Variants in UPK1B observed in about 807,000 individuals in gnomAD.
UPK1B encodes the protein uroplakin 1B, also known as uroplakin-1b.
UPK1B carries 28 observed loss-of-function variants against 34.2 expected under a neutral mutation model. That is an observed-to-expected ratio of 0.82 (90% CI 0.61 to 1.12). UPK1B has a LOEUF of 1.12. UPK1B is among the 50% of genes most tolerant of loss of function. The probability of loss-of-function intolerance (pLI) is 0.00; values close to 1 mark genes in which losing one functional copy is unlikely to be tolerated. For missense variants in UPK1B, 325 were observed against 320.9 expected (o/e 1.01, Z -0.10); for synonymous variants, 81 against 110.4 (o/e 0.73, Z 1.67).
At chr3:119,190,743 T>C (rs1007584058) in intron 4 of UPK1B, among the ~76,000 whole-genome samples, 3 of 152,222 alleles carry the variant, frequency 2.0e-5, no homozygotes, top group African/African-American at 7.2e-5. Flanking sequence ...TTTCCTAGCC[T>C]AAGCCACCCT....
In UPK1B at chr3:119,175,012, C is replaced by CTTTTTTTTTTTTTTTTTTTTTT. The variant is rs374721069; in HGVS notation, c.-29+1388_-29+1409dup. On this transcript the variant is annotated intron_variant, in intron 1 of 7. Coordinates refer to ENST00000264234, the MANE Select transcript of UPK1B (RefSeq NM_006952.4). ...CAGAACTTTTTTTTTCTTTTATTTT[C>CTTTTTTTTTTTTTTTTTTTTTT]TTTTTTTTTTTTTTTTTTTTTTTTT... Among the ~76,000 whole-genome samples the CTTTTTTTTTTTTTTTTTTTTTT allele has an allele frequency of 3.3e-4, 22 of 67,474 alleles. 2 individuals are homozygous for CTTTTTTTTTTTTTTTTTTTTTT. The highest frequency in any genetic ancestry group is 4.5e-4 in the Non-Finnish European group (17 of 38,098). 44.3% of individuals were successfully genotyped at this position (67,474 alleles called of 152,430 possible). A position where few individuals can be genotyped will look rare whatever the true frequency, so the allele number is the denominator to read the frequency against.
rs540205722 is a variant in UPK1B at position 119,181,450 on chromosome 3, T to A, written c.-28-5264T>A. Among the ~76,000 whole-genome samples the A allele has an allele frequency of 1.3e-5, 2 of 152,258 alleles. 1 individual carries two copies. The highest frequency in any genetic ancestry group is 4.1e-4 in the South Asian group (2 of 4,822). On this transcript the variant is annotated intron_variant, in intron 1 of 7. Coordinates refer to ENST00000264234, the MANE Select transcript of UPK1B (RefSeq NM_006952.4). ...ACTAATATTGTATTAAAACTTCACA[T>A]ATATTCTCATTTAATTTTCATAGTA...
chr3:119,191,288 A>G (rs563257111), intron 5 of UPK1B, among the ~76,000 whole-genome samples, 184 bp downstream of exon 5: 5 of 152,204 alleles, frequency 3.3e-5, no homozygotes, highest in Non-Finnish European at 7.3e-5. Context: ...CTCAGGTATC[A>G]TTTACATTAA....
Position 119,199,089 on chromosome 3 carries a change from C to T in UPK1B, c.681C>T (p.Asn227=). The part of the protein sequence containing the change: ...GCYELISGPM[N]RHAWGVAWFG... Reference sequence around the variant, plus strand: ...ATGAACTGATCTCTGGTCCAATGAACCGACACGCCTGGGGGGTTGCCTGGT... The same window carrying T: ...ATGAACTGATCTCTGGTCCAATGAATCGACACGCCTGGGGGGTTGCCTGGT... The change falls in exon 7 of 8, where the codon AAC becomes AAT. Residue 227 remains asparagine, a synonymous_variant. Coordinates refer to ENST00000264234, the MANE Select transcript of UPK1B (RefSeq NM_006952.4). 6.2e-7 allele frequency: 1 copy of T among 1,614,184 alleles called. No individual in the cohort carries two copies. Among genetic ancestry groups the T allele is most frequent in the Non-Finnish European group, 8.5e-7 (1 of 1,180,026 alleles).
rs544366687 is a variant in UPK1B at position 119,179,389 on chromosome 3, ATATATATATT to A, written c.-29+5752_-29+5761del. ...TATATATATATATATATATATATAT[ATATATATATT>A]AATTCTAAGGAATTAACCTATGTGA... On this transcript the variant is annotated intron_variant, in intron 1 of 7. Transcript: ENST00000264234. 3.2e-3 allele frequency among the ~76,000 whole-genome samples: 298 copies of A among 92,138 alleles called. 11 individuals carry two copies. The highest frequency in any genetic ancestry group is 4.5e-3 in the South Asian group (13 of 2,858). The allele number at this position is 92,138 out of a possible 152,430, so 60.4% of individuals were successfully genotyped here. A position where few individuals can be genotyped will look rare whatever the true frequency, so the allele number is the denominator to read the frequency against.
At chr3:119,181,952 G>A (rs2077991734) in intron 1 of UPK1B, among the ~76,000 whole-genome samples, 1 of 152,226 alleles carries the variant, frequency 6.6e-6, no homozygotes, top group Non-Finnish European at 1.5e-5. Context: ...CCAGGACAAG[G>A]ACAACCTCAG....
chr3:119,190,358 C>A lies in UPK1B; in HGVS notation c.345+39C>A, dbSNP rs373884676. The stretch of plus-strand genomic sequence containing the variant: ...CAAAAAGCAAAATAATATGAATTAT[C>A]ATTATTATAACAACCAACATGTATT... On this transcript the variant is annotated intron_variant, in intron 4 of 7. Coordinates refer to ENST00000264234, the MANE Select transcript of UPK1B (RefSeq NM_006952.4). 1,835 of 1,494,078 alleles carry A rather than the reference C, an allele frequency of 1.2e-3. 4 individuals are homozygous for A. The highest frequency in any genetic ancestry group is 1.6e-3 in the Non-Finnish European group (1,736 of 1,073,740). The allele number at this position is 1,494,078 out of a possible 1,614,324, so 92.6% of individuals were successfully genotyped here.
At chr3:119,202,891 C>A (rs549932529) in intron 7 of UPK1B, among the ~76,000 whole-genome samples, 1 of 151,786 alleles carries the variant, frequency 6.6e-6, no homozygotes, top group South Asian at 2.1e-4. Context: ...AAGGGCAACC[C>A]CAGAAGACAA....
intron 1 of UPK1B, among the ~76,000 whole-genome samples, chr3:119,181,085 T>C (rs2077987792): frequency 6.6e-6 from 1 of 152,188 alleles, no homozygotes; most frequent in South Asian, 2.1e-4. Context: ...AGCTCAGTAA[T>C]TTGCCTATTT....
At position 119,198,977 on chromosome 3, in the gene UPK1B, A is replaced by G. The variant is rs76050075; in HGVS notation, c.649-80A>G. 2,096 of 1,518,010 alleles carry G rather than the reference A, an allele frequency of 1.4e-3. 20 individuals are homozygous for G. The African/African-American group carries it at 0.026, about 19-fold the overall frequency. The allele number at this position is 1,518,010 out of a possible 1,614,324, so 94.0% of individuals were successfully genotyped here. On this transcript the variant is annotated intron_variant, in intron 6 of 7. Coordinates refer to ENST00000264234, the MANE Select transcript of UPK1B (RefSeq NM_006952.4). ...AGAATTTTGAGTAGCATTGATTCCA[A>G]TAGGAACCTGCTTTCCCATCAATCT... is the stretch of plus-strand genomic sequence containing the variant.
chr3:119,180,698 G>A (rs1198658000), intron 1 of UPK1B, among the ~76,000 whole-genome samples: 1 of 150,438 alleles, frequency 6.6e-6, no homozygotes, highest in East Asian at 1.9e-4. Flanking sequence ...ATATCCATTA[G>A]TGTGGAACTG....
intron 1 of UPK1B, among the ~76,000 whole-genome samples, chr3:119,174,099 A>C (rs1261740887): frequency 6.6e-6 from 1 of 152,226 alleles, no homozygotes; most frequent in Non-Finnish European, 1.5e-5. Context: ...GCTAGCAGAG[A>C]GAAAGTTTCT....
At chr3:119,186,186 T>C (rs2078018755) in intron 1 of UPK1B, among the ~76,000 whole-genome samples, 1 of 152,262 alleles carries the variant, frequency 6.6e-6, no homozygotes, top group African/African-American at 2.4e-5. Context: ...CGTTTTCACT[T>C]ACCCTCATAT....
chr3:119,202,932 G>A (rs527903937), intron 7 of UPK1B, among the ~76,000 whole-genome samples: 41 of 152,204 alleles, frequency 2.7e-4, no homozygotes, highest in Non-Finnish European at 2.8e-4. Flanking sequence ...GGATCAGAAC[G>A]TGGGGAACAC....
chr3:119,174,808 G>A (rs2077945521), intron 1 of UPK1B, among the ~76,000 whole-genome samples: 2 of 151,474 alleles, frequency 1.3e-5, no homozygotes, highest in South Asian at 4.2e-4. Context: ...TTCTCAGTGA[G>A]GAGAAAAATT....
At position 119,190,853 on chromosome 3, in the gene UPK1B, C is replaced by T. The variant is rs41271387; in HGVS notation, c.346-129C>T. The T allele has an allele frequency of 3.3e-4, 429 of 1,295,402 alleles. 1 individual carries two copies. Among genetic ancestry groups the T allele is most frequent in the Non-Finnish European group, 4.3e-4 (406 of 937,630 alleles). 80.2% of individuals were successfully genotyped at this position (1,295,402 alleles called of 1,614,324 possible). On this transcript the variant is annotated intron_variant, in intron 4 of 7. Transcript: ENST00000264234. ...CAACCTCAGCCAGCTGTACTTGGTG[C>T]CTCTGAGTACAGTTTTGCTCCAGGA...
intron 4 of UPK1B, 53 bp from the exon 5 acceptor site, chr3:119,190,929 C>CT: frequency 1.2e-6 from 2 of 1,603,426 alleles, no homozygotes; most frequent in Non-Finnish European, 1.7e-6. Flanking sequence ...TTTTCCTCTC[C>CT]TTGAAAATTA....
chr3:119,184,631 C>CA lies in UPK1B; in HGVS notation c.-28-2082dup, dbSNP rs563951499. Among the ~76,000 whole-genome samples the CA allele has an allele frequency of 5.5e-3, 829 of 151,212 alleles. 10 individuals are homozygous for CA. The highest frequency in any genetic ancestry group is 5.7e-3 in the Non-Finnish European group (388 of 67,954). On this transcript the variant is annotated intron_variant, in intron 1 of 7. Transcript: ENST00000264234. ...GTCCCAGCTACTAGGGAGGCTGAGG[C>CA]AGGACAATAGCTTGAACCTGAGAGG...
At position 119,191,053 on chromosome 3, in the gene UPK1B, C is replaced by A. The variant is rs1179665170; in HGVS notation, c.417C>A (p.Asp139Glu). Residue 139 changes from aspartate to glutamate, a missense_variant, in exon 5 of 8, where the codon GAC becomes GAA. Transcript: ENST00000264234. The stretch of plus-strand genomic sequence containing the variant: ...ACAACAGCCCTCCAAACAATGATGA[C>A]CAGTGGAAAAACAATGGAGTCACCA... ...YQNNSPPNND[D>E]QWKNNGVTKT... The A allele has an allele frequency of 1.2e-6, 2 of 1,613,894 alleles. No homozygotes were observed. The highest frequency in any genetic ancestry group is 1.7e-6 in the Non-Finnish European group (2 of 1,179,950).
Sources: gnomAD v4.1 joint callset for allele counts (sites outside exome capture counted in the v4.1 genomes callset) on GRCh38, gnomAD v4.1.1 for gene constraint, MANE v1.5 for transcripts, NCBI Gene and HGNC (gene_info 2026-07-23, HGNC 2026-07-21) for gene names.